ITSN1: variants seen among roughly 807,000 people sequenced by gnomAD.
ITSN1 encodes intersectin 1.
ITSN1 carries 58 observed loss-of-function variants against 239.8 expected under a neutral mutation model. The ratio of observed to expected loss-of-function variants is 0.24; its 90% CI spans 0.20 to 0.30. The LOEUF (loss-of-function observed/expected upper bound fraction) is 0.30. Among genes scored for constraint, ITSN1 ranks in the 10% least tolerant of loss-of-function variants. The probability of loss-of-function intolerance (pLI) is 1.00; values close to 1 mark genes in which losing one functional copy is unlikely to be tolerated. For synonymous variants in ITSN1, 780 were observed against 770.8 expected (o/e 1.01, Z -0.20); for missense variants, 1,558 against 2,103.3 (o/e 0.74, Z 5.07).
intron 1 of ITSN1, among the ~76,000 whole-genome samples, chr21:33,700,993 T>G (rs980164680): frequency 1.8e-5 from 2 of 112,318 alleles, no homozygotes; most frequent in Non-Finnish European, 3.8e-5. Context: ...GTGTGTGTTT[T>G]CTTATAGATG....
intron 26 of ITSN1, among the ~76,000 whole-genome samples, chr21:33,828,195 A>G (rs1304258267): frequency 1.3e-5 from 2 of 152,254 alleles, no homozygotes; most frequent in South Asian, 2.1e-4. Context: ...CTGGCTGCGT[A>G]TGCCAGGTCC....
chr21:33,702,258 AG>A (rs2092057252), intron 1 of ITSN1, among the ~76,000 whole-genome samples: 1 of 151,588 alleles, frequency 6.6e-6, no homozygotes, highest in Non-Finnish European at 1.5e-5. Flanking sequence ...CTGGGATTAC[AG>A]GTGCTCACCA....
intron 1 of ITSN1, among the ~76,000 whole-genome samples, chr21:33,703,202 A>T (rs2092105870): frequency 6.6e-6 from 1 of 150,878 alleles, no homozygotes; most frequent in Non-Finnish European, 1.5e-5. Flanking sequence ...ATATAAAGAA[A>T]TAAAGTTGTT....
At position 33,797,778 on chromosome 21, in the gene ITSN1, CTG is replaced by C. The variant is rs1057253821; in HGVS notation, c.2182+174_2182+175del. On this transcript the variant is annotated intron_variant, in intron 18 of 39. Transcript: ENST00000381318. The surrounding 1 kb of genome is among the most constrained non-coding windows in gnomAD (Gnocchi z 4.9). ...TTCTTTCCCCAGGGTCATTTGAGAT[CTG>C]TGTAATTCTCCCACCACCATGCCAG... 6.6e-6 allele frequency among the ~76,000 whole-genome samples: 1 copy of C among 152,196 alleles called. No homozygotes were observed. Among genetic ancestry groups the C allele is most frequent in the African/African-American group, 2.4e-5 (1 of 41,442 alleles).
At chr21:33,756,326 C>T (rs1418125298) in intron 8 of ITSN1, among the ~76,000 whole-genome samples, 1 of 146,796 alleles carries the variant, frequency 6.8e-6, no homozygotes, top group Non-Finnish European at 1.5e-5. Context: ...TAAAGAAAAG[C>T]ATAACTTTAA....
At position 33,755,368 on chromosome 21, in the gene ITSN1, A is replaced by G. The variant is rs1201034876; in HGVS notation, c.695A>G (p.His232Arg). The G allele has an allele frequency of 1.2e-6, 2 of 1,604,140 alleles. No individual in the cohort carries two copies. The highest frequency in any genetic ancestry group is 1.7e-5 in the Admixed American group (1 of 59,104). Residue 232 changes from histidine (H) to arginine (R), a missense_variant, in exon 8 of 40, where the codon CAT becomes CGT. By Grantham distance (29) the His-to-Arg change is conservative. Coordinates refer to ENST00000381318, the MANE Select transcript of ITSN1 (RefSeq NM_003024.3). ...AAATACAGGCAATTATTCAATAGTC[A>G]TGACAAAACTATGAGTGGACACTTA... ...RLKYRQLFNS[H>R]DKTMSGHLTG...
chr21:33,743,567 C>T (rs1219727678), intron 5 of ITSN1, among the ~76,000 whole-genome samples: 2 of 152,018 alleles, frequency 1.3e-5, no homozygotes, highest in African/African-American at 4.8e-5. Context: ...GCAGGAGTCC[C>T]TGAGGAAGAA....
chr21:33,718,822 C>G lies in ITSN1; in HGVS notation c.-7C>G, dbSNP rs773146722. ...GCGTCGATTAGCAAGGTAAAAGTAA[C>G]AGAACCATGGCTCAGTTTCCAACAC... On this transcript the variant is annotated 5_prime_UTR_variant, in exon 2 of 40. Transcript: ENST00000381318. 6.2e-7 allele frequency: 1 copy of G among 1,613,110 alleles called. No individual in the cohort carries two copies. The highest frequency in any genetic ancestry group is 1.7e-5 in the Admixed American group (1 of 59,856).
chr21:33,690,847 T>TAA lies in ITSN1; in HGVS notation c.-32-27934_-32-27933dup, dbSNP rs755469647. On this transcript the variant is annotated intron_variant, in intron 1 of 39. Coordinates refer to ENST00000381318, the MANE Select transcript of ITSN1 (RefSeq NM_003024.3). The stretch of plus-strand genomic sequence containing the variant: ...TATATATATATATATATGTAAAAGT[T>TAA]AAAAAAAAAAAAAAAAAGACCCATT... 3.0e-3 allele frequency among the ~76,000 whole-genome samples: 150 copies of TAA among 49,412 alleles called. 7 individuals carry two copies. Among genetic ancestry groups the TAA allele is most frequent in the Non-Finnish European group, 1.6e-3 (38 of 23,858 alleles). 32.4% of individuals were successfully genotyped at this position (49,412 alleles called of 152,430 possible).
chr21:33,845,458 C>T (rs1328611823), intron 29 of ITSN1, among the ~76,000 whole-genome samples: 15 of 152,152 alleles, frequency 9.9e-5, no homozygotes, highest in African/African-American at 3.4e-4. Context: ...AAAAACATCA[C>T]TTCTTATGCT....
chr21:33,873,980 G>A (rs928348237), intron 33 of ITSN1, among the ~76,000 whole-genome samples: 6 of 151,502 alleles, frequency 4.0e-5, no homozygotes, highest in Non-Finnish European at 8.8e-5. Context: ...GGCCAGCATG[G>A]TGAAACCCCC....
At chr21:33,718,655 G>T in intron 1 of ITSN1, 142 bp from the exon 2 acceptor site, 1 of 651,792 alleles carries the variant, frequency 1.5e-6, no homozygotes, top group Non-Finnish European at 2.7e-6. Context: ...AGTAACACGT[G>T]AATGAATGAA....
intron 14 of ITSN1, among the ~76,000 whole-genome samples, chr21:33,779,294 G>T (rs973510922): frequency 6.6e-6 from 1 of 151,788 alleles, no homozygotes; most frequent in East Asian, 1.9e-4. Context: ...CATCATTTTT[G>T]ATACAAACAT....
chr21:33,684,650 C>T (rs2091147819), intron 1 of ITSN1, among the ~76,000 whole-genome samples: 3 of 152,006 alleles, frequency 2.0e-5, no homozygotes, highest in African/African-American at 7.2e-5. Flanking sequence ...AAAAATGACC[C>T]GTCATTCTTT....
In ITSN1 at chr21:33,836,432, C is replaced by T. The variant is rs2074608302; in HGVS notation, c.3470-9C>T. Reference sequence around the variant, plus strand: ...TGTGCAGCCGCTCACCCAGCCCTGTCTCCTGCAGTGTGCCAGGTGATTGGG... The same window carrying T: ...TGTGCAGCCGCTCACCCAGCCCTGTTTCCTGCAGTGTGCCAGGTGATTGGG... On this transcript the variant is annotated splice_polypyrimidine_tract_variant and intron_variant, in intron 28 of 39. Coordinates refer to ENST00000381318, the MANE Select transcript of ITSN1 (RefSeq NM_003024.3). The T allele has an allele frequency of 2.5e-6, 4 of 1,596,636 alleles. No individual in the cohort carries two copies. The highest frequency in any genetic ancestry group is 3.4e-6 in the Non-Finnish European group (4 of 1,169,266).
intron 31 of ITSN1, among the ~76,000 whole-genome samples, chr21:33,859,656 A>G (rs1980087552): frequency 6.6e-6 from 1 of 152,082 alleles, no homozygotes; most frequent in Admixed American, 6.5e-5. Flanking sequence ...GGAAGTCCCC[A>G]TTTCCTAAAT....
chr21:33,724,728 CTAGTG>C (rs752843869), intron 4 of ITSN1, among the ~76,000 whole-genome samples: 1 of 152,152 alleles, frequency 6.6e-6, no homozygotes, highest in East Asian at 1.9e-4. Flanking sequence ...AAACGGCAGT[CTAGTG>C]GAGGGAGACA....
Position 33,890,478 on chromosome 21 carries a change from A to G in ITSN1, c.*2178A>G, listed in dbSNP as rs1480537551. 6.6e-6 allele frequency: 1 copy of G among 152,250 alleles called. No homozygotes were observed. Among genetic ancestry groups the G allele is most frequent in the East Asian group, 1.9e-4 (1 of 5,204 alleles). The allele number at this position is 152,250 out of a possible 1,614,324, so 9.4% of individuals were successfully genotyped here. A position where few individuals can be genotyped will look rare whatever the true frequency, so the allele number is the denominator to read the frequency against. On this transcript the variant is annotated 3_prime_UTR_variant, in exon 40 of 40. Transcript: ENST00000381318. ...AATTAATGTAGCATGAGAAAGCAAT[A>G]TGTGACTCTTTTTCCTCAAGTGACT...
intron 31 of ITSN1, among the ~76,000 whole-genome samples, chr21:33,864,657 C>G (rs117898135): frequency 1.5e-3 from 236 of 152,300 alleles, no homozygotes; most frequent in Middle Eastern, 6.8e-3. Context: ...TCATTTATAC[C>G]TGGCTTTTGC....
Sources: allele counts gnomAD v4.1 joint callset (sites outside exome capture counted in the v4.1 genomes callset), GRCh38; gene constraint gnomAD v4.1.1; non-coding constraint Gnocchi (gnomAD v3.1); transcripts MANE v1.5; gene names NCBI Gene and HGNC (gene_info 2026-07-23, HGNC 2026-07-21).